Variants in PSMD1 observed in about 807,000 individuals in gnomAD.
PSMD1 encodes 26S proteasome non-ATPase regulatory subunit 1.
A neutral mutation model predicts 119.0 loss-of-function variants in PSMD1; 18 were observed. That is an observed-to-expected ratio of 0.15 (90% CI 0.10 to 0.22). The LOEUF is 0.22. Among genes scored for constraint, PSMD1 ranks in the 10% least tolerant of loss-of-function variants. PSMD1 has a pLI of 1.00. For missense variants in PSMD1, 702 were observed against 1,158.5 expected (o/e 0.61, Z 5.72); for synonymous variants, 374 against 396.6 (o/e 0.94, Z 0.68).
At chr2:231,110,152 T>G (rs893805396) in intron 16 of PSMD1, among the ~76,000 whole-genome samples, 6 of 152,106 alleles carry the variant, frequency 3.9e-5, no homozygotes, top group African/African-American at 1.2e-4. Context: ...AAACCCCATC[T>G]CTACTAAAAA....
At chr2:231,069,212 A>T (rs1250093323) in intron 5 of PSMD1, among the ~76,000 whole-genome samples, 1 of 152,202 alleles carries the variant, frequency 6.6e-6, no homozygotes, top group Non-Finnish European at 1.5e-5. Context: ...CAGAGTAACA[A>T]ATGCATCTTT....
At position 231,109,535 on chromosome 2, in the gene PSMD1, A is replaced by G. The variant is rs150969444; in HGVS notation, c.1883+22354A>G. The G allele has an allele frequency of 1.7e-3, 1,394 of 800,028 alleles. 44 individuals carry two copies. The East Asian group carries it at 0.036, about 21-fold the overall frequency. 49.6% of individuals were successfully genotyped at this position (800,028 alleles called of 1,614,324 possible). On this transcript the variant is annotated intron_variant, in intron 16 of 24. Transcript: ENST00000308696. ...TGCATTATAATTCCTGGGACCCACA[A>G]TGCAGGATTTGTCGAAGCATTCATC...
At position 231,146,419 on chromosome 2, in the gene PSMD1, G is replaced by GT. The variant is rs1175181741; in HGVS notation, c.2115+64dup. 15 of 1,268,020 alleles carry GT rather than the reference G, an allele frequency of 1.2e-5. No homozygotes were observed. The African/African-American group carries it at 1.5e-4, about 13-fold the overall frequency. The allele number at this position is 1,268,020 out of a possible 1,614,324, so 78.5% of individuals were successfully genotyped here. On this transcript the variant is annotated intron_variant, in intron 18 of 24. Coordinates refer to ENST00000308696, the MANE Select transcript of PSMD1 (RefSeq NM_002807.4). ...TTGGTCTTTTCTTTAGTAACTTATC[G>GT]TCTTTTGAGGACGTTTTTTAGTTCA...
chr2:231,157,892 G>A (rs531701026), intron 19 of PSMD1, among the ~76,000 whole-genome samples: 2 of 152,106 alleles, frequency 1.3e-5, no homozygotes, highest in African/African-American at 4.8e-5. Context: ...ATACTGTAGT[G>A]TTCACTGTTA....
intron 16 of PSMD1, among the ~76,000 whole-genome samples, chr2:231,097,661 T>A (rs988055668): frequency 1.3e-5 from 2 of 152,182 alleles, no homozygotes; most frequent in Non-Finnish European, 2.9e-5. Context: ...CACCAAAATA[T>A]TGACTCAAAT....
At chr2:231,079,862 A>G (rs559214645) in intron 11 of PSMD1, among the ~76,000 whole-genome samples, 3 of 152,238 alleles carry the variant, frequency 2.0e-5, no homozygotes, top group African/African-American at 7.2e-5. Flanking sequence ...TTGAAATGTT[A>G]TTTGCATAGT....
chr2:231,069,513 A>G (rs1370053434), intron 5 of PSMD1, among the ~76,000 whole-genome samples: 1 of 152,204 alleles, frequency 6.6e-6, no homozygotes, highest in Non-Finnish European at 1.5e-5. Flanking sequence ...GTAAACACAT[A>G]GAGCCTGGAT....
rs552314342 is a variant in PSMD1 at position 231,081,594 on chromosome 2, G to C, written c.1413+1280G>C. ...AATCGCAAAGAAGGAGCATTGTATT[G>C]CTCTGGCTTGGGTCACACTTTGGCT... is the stretch of plus-strand genomic sequence containing the variant. On this transcript the variant is annotated intron_variant, in intron 12 of 24. Transcript: ENST00000308696. Among the ~76,000 whole-genome samples, 335 of 152,306 alleles carry C rather than the reference G, an allele frequency of 2.2e-3. 1 individual carries two copies. Among genetic ancestry groups the C allele is most frequent in the South Asian group, 4.6e-3 (22 of 4,828 alleles).
At chr2:231,140,924 T>A (rs928587154) in intron 17 of PSMD1, among the ~76,000 whole-genome samples, 16 of 152,014 alleles carry the variant, frequency 1.1e-4, no homozygotes, top group African/African-American at 3.4e-4. Context: ...ATCCCAGCAC[T>A]TTGGGCAACC....
chr2:231,122,666 CT>C (rs1399761153), intron 16 of PSMD1, among the ~76,000 whole-genome samples: 5 of 151,828 alleles, frequency 3.3e-5, no homozygotes, highest in African/African-American at 9.7e-5. Context: ...CTACTTATAT[CT>C]TTTTTTTATT....
intron 16 of PSMD1, among the ~76,000 whole-genome samples, chr2:231,104,984 TC>T (rs1383246687): frequency 2.0e-5 from 3 of 152,184 alleles, no homozygotes; most frequent in Non-Finnish European, 4.4e-5. Flanking sequence ...GTTTATTTCT[TC>T]ATAATTTTTA....
At chr2:231,094,373 G>GT (rs1361802048) in intron 16 of PSMD1, among the ~76,000 whole-genome samples, 1 of 152,168 alleles carries the variant, frequency 6.6e-6, no homozygotes, top group African/African-American at 2.4e-5. Flanking sequence ...GGGCCAGGCA[G>GT]TGAGCTGTGG....
chr2:231,153,202 G>T lies in PSMD1; in HGVS notation c.2116-362G>T, dbSNP rs753374797. On this transcript the variant is annotated intron_variant, in intron 18 of 24. Transcript: ENST00000308696. ...GCTTTTTAGGAAACCCGCAAGGTTG[G>T]TGGTAAACAGAATAGCTATAATTCA... Among the ~76,000 whole-genome samples, 2 of 152,220 alleles carry T rather than the reference G, an allele frequency of 1.3e-5. 1 individual carries two copies. The highest frequency in any genetic ancestry group is 2.9e-5 in the Non-Finnish European group (2 of 68,038).
chr2:231,059,808 C>G (rs1693710502), intron 1 of PSMD1, among the ~76,000 whole-genome samples: 1 of 152,222 alleles, frequency 6.6e-6, no homozygotes. Flanking sequence ...TTAGGCCTTT[C>G]CCATTCTCTC....
At chr2:231,164,164 C>T (rs1696703744) in intron 21 of PSMD1, among the ~76,000 whole-genome samples, 1 of 152,016 alleles carries the variant, frequency 6.6e-6, no homozygotes, top group Non-Finnish European at 1.5e-5. Flanking sequence ...GGTTATTTCT[C>T]ATTTGTTAGC....
In PSMD1 at chr2:231,067,004, A is replaced by C. The variant is rs755578236; in HGVS notation, c.403A>C (p.Asn135His). 1.2e-6 allele frequency: 2 copies of C among 1,613,836 alleles called. No individual in the cohort carries two copies. Among genetic ancestry groups the C allele is most frequent in the Non-Finnish European group, 1.7e-6 (2 of 1,179,928 alleles). Residue 135 changes from asparagine (N) to histidine (H), a missense_variant, in exon 5 of 25, where the codon AAT becomes CAT. By Grantham distance (68) the Asn-to-His change is moderately conservative. Coordinates refer to ENST00000308696, the MANE Select transcript of PSMD1 (RefSeq NM_002807.4). ...TGACCAGAGATTGGAAGGCATCGTAAATAAAATGTTCCAGCGATGTCTAGA... is the reference window on the plus strand; with the variant it reads ...TGACCAGAGATTGGAAGGCATCGTACATAAAATGTTCCAGCGATGTCTAGA... ...PIDQRLEGIV[N>H]KMFQRCLDDH...
chr2:231,059,014 C>T (rs1282692678), intron 1 of PSMD1, among the ~76,000 whole-genome samples: 1 of 152,164 alleles, frequency 6.6e-6, no homozygotes, highest in African/African-American at 2.4e-5. Flanking sequence ...TTCTAGAATA[C>T]TGCTGAGAGC....
intron 1 of PSMD1, among the ~76,000 whole-genome samples, chr2:231,059,620 A>T (rs1039776531): frequency 2.6e-5 from 4 of 152,132 alleles, no homozygotes; most frequent in Non-Finnish European, 5.9e-5. Context: ...ATAGTCCCCC[A>T]CCTCACTTTC....
chr2:231,164,796 T>C (rs564468741), intron 21 of PSMD1, among the ~76,000 whole-genome samples: 5 of 151,722 alleles, frequency 3.3e-5, no homozygotes, highest in African/African-American at 1.2e-4. Flanking sequence ...CTGAAGGAAA[T>C]TGTTCTATTT....
Sources: gnomAD v4.1 joint callset for allele counts (sites outside exome capture counted in the v4.1 genomes callset) on GRCh38, gnomAD v4.1.1 for gene constraint, MANE v1.5 for transcripts, NCBI Gene and HGNC (gene_info 2026-07-23, HGNC 2026-07-21) for gene names.